The following MRC1 variants were observed in gnomAD, a reference collection of about 807,000 sequenced individuals.
The protein encoded by MRC1 is macrophage mannose receptor 1.
In MRC1, 62 loss-of-function variants were observed where a neutral mutation model predicts 102.9. That is an observed-to-expected ratio of 0.60 (90% CI 0.49 to 0.74). The LOEUF (loss-of-function observed/expected upper bound fraction) is 0.74, where lower values mean the gene tolerates loss of function less well. MRC1 is among the 30% of genes least tolerant of loss of function. The probability of loss-of-function intolerance (pLI) is 0.00; values close to 1 mark genes in which losing one functional copy is unlikely to be tolerated. For missense variants in MRC1, 1,237 were observed against 862.8 expected, an observed-to-expected ratio of 1.43 and a Z score of -5.43; for synonymous variants, 457 against 298.4, an observed-to-expected ratio of 1.53 and a Z score of -5.48.
At chr10:17,876,328 A>G (rs1299796083) in intron 17 of MRC1, among the ~76,000 whole-genome samples, 2 of 151,256 alleles carry the variant, frequency 1.3e-5, no homozygotes, top group African/African-American at 2.4e-5. Flanking sequence ...GCTCACTGCA[A>G]CCTCCACCTA....
At chr10:17,863,401 A>G in intron 10 of MRC1, 133 bp from the exon 11 acceptor site, 4 of 695,592 alleles carry the variant, frequency 5.8e-6, no homozygotes, top group Non-Finnish European at 1.1e-5. Context: ...ATACAAATAT[A>G]ACACAATATA....
intron 22 of MRC1, among the ~76,000 whole-genome samples, chr10:17,886,268 C>A (rs1833591364): frequency 6.6e-6 from 1 of 151,682 alleles, no homozygotes; most frequent in Admixed American, 6.6e-5. Context: ...AAAAAAGAAT[C>A]AACTATGGGT....
At chr10:17,887,076 A>G (rs1294210927) in intron 22 of MRC1, among the ~76,000 whole-genome samples, 1 of 152,168 alleles carries the variant, frequency 6.6e-6, no homozygotes, top group Non-Finnish European at 1.5e-5. Flanking sequence ...GGAGCCAGAC[A>G]GCAGCCCATA....
intron 22 of MRC1, 79 bp from the exon 23 acceptor site, chr10:17,894,131 T>A (rs1589194258): frequency 1.2e-6 from 1 of 845,246 alleles, no homozygotes; most frequent in Middle Eastern, 2.4e-4. Context: ...AATGAAAGAT[T>A]TTTTTGCTTA....
chr10:17,853,561 GATATAT>G (rs1168114504), intron 8 of MRC1, among the ~76,000 whole-genome samples: 1 of 144,872 alleles, frequency 6.9e-6, no homozygotes, highest in African/African-American at 2.6e-5. Context: ...TGTAAAAAGA[GATATAT>G]ATGTATGTGT....
chr10:17,835,248 C>T, intron 4 of MRC1, among the ~76,000 whole-genome samples: 1 of 152,198 alleles, frequency 6.6e-6, no homozygotes, highest in Non-Finnish European at 1.5e-5. Flanking sequence ...CTTATTACCA[C>T]TTTTATTAGT....
chr10:17,892,061 C>T (rs1833686579), intron 22 of MRC1, among the ~76,000 whole-genome samples: 1 of 152,112 alleles, frequency 6.6e-6, no homozygotes, highest in South Asian at 2.1e-4. Context: ...GGTTAGTTAA[C>T]GTGTGGTGAA....
At chr10:17,844,380 G>A (rs2130632102) in intron 5 of MRC1, among the ~76,000 whole-genome samples, 1 of 151,890 alleles carries the variant, frequency 6.6e-6, no homozygotes, top group East Asian at 1.9e-4. Context: ...CAGCTCCCCG[G>A]CCGATTTTTT....
At chr10:17,874,545 G>A (rs960336951) in intron 16 of MRC1, among the ~76,000 whole-genome samples, 1 of 152,128 alleles carries the variant, frequency 6.6e-6, no homozygotes, top group Admixed American at 6.5e-5. Flanking sequence ...CAGGGGTTAG[G>A]AACTAGATAC....
Position 17,861,826 on chromosome 10 carries a change from G to A in MRC1, c.1634+324G>A, listed in dbSNP as rs1020759443. ...AGCAGGAAAGTAACTAAAAGTTGCC[G>A]GCTCAAAATCACGTTATATCTTTAC... On this transcript the variant is annotated intron_variant, in intron 10 of 29. Coordinates refer to ENST00000569591, the MANE Select transcript of MRC1 (RefSeq NM_002438.4). 1.1e-4 allele frequency among the ~76,000 whole-genome samples: 17 copies of A among 152,124 alleles called. 2 individuals carry two copies. Among genetic ancestry groups the A allele is most frequent in the South Asian group, 2.1e-4 (1 of 4,814 alleles).
chr10:17,875,613 G>A (rs904523139), intron 17 of MRC1, among the ~76,000 whole-genome samples: 5 of 152,162 alleles, frequency 3.3e-5, no homozygotes, highest in Non-Finnish European at 7.4e-5. Flanking sequence ...TTTTATGGCT[G>A]AGTAGTATTC....
At chr10:17,847,819 G>A (rs1360940696) in intron 6 of MRC1, among the ~76,000 whole-genome samples, 3 of 45,392 alleles carry the variant, frequency 6.6e-5, no homozygotes, top group African/African-American at 2.1e-4. Flanking sequence ...AGTTTTTGAA[G>A]GACAGCATTG....
chr10:17,887,568 A>G (rs1833617273), intron 22 of MRC1, among the ~76,000 whole-genome samples: 1 of 152,184 alleles, frequency 6.6e-6, no homozygotes, highest in African/African-American at 2.4e-5. Flanking sequence ...TGAGAGGTGA[A>G]TTTCTTGTAA....
chr10:17,866,883 T>A, intron 12 of MRC1, 122 bp downstream of exon 12: 1 of 726,852 alleles, frequency 1.4e-6, no homozygotes, highest in Non-Finnish European at 2.6e-6. Context: ...CCATAGGTAT[T>A]TAGAAATTCT....
chr10:17,864,112 C>G (rs991755098), intron 11 of MRC1, among the ~76,000 whole-genome samples: 1 of 152,026 alleles, frequency 6.6e-6, no homozygotes, highest in African/African-American at 2.4e-5. Context: ...AAACAATTAT[C>G]GTGCCTCAGC....
chr10:17,891,131 T>TTTTATTTATTTA (rs879194856), intron 22 of MRC1, among the ~76,000 whole-genome samples: 155 of 135,038 alleles, frequency 1.1e-3, no homozygotes, highest in Non-Finnish European at 1.3e-3. Context: ...GTATCACTAG[T>TTTTATTTATTTA]TTTATTTATT....
At chr10:17,813,788 C>T (rs1368112433) in intron 1 of MRC1, among the ~76,000 whole-genome samples, 1 of 150,506 alleles carries the variant, frequency 6.6e-6, no homozygotes, top group Non-Finnish European at 1.5e-5. Flanking sequence ...GCCTTGACTT[C>T]CCGGGGTCAA....
Position 17,900,826 on chromosome 10 carries a change from G to T in MRC1, c.3522G>T (p.Val1174=). The change falls in exon 25 of 30, where the codon GTG becomes GTT. Residue 1174 remains valine (V), a synonymous_variant. Transcript: ENST00000569591. ...ACACTTGGACTGATAAGTGGAGGGT[G>T]AGGTACACTAACTGGGCTGCTGATG... ...NQYTWTDKWR[V]RYTNWAADEP... 1 of 780,812 alleles carries T rather than the reference G, an allele frequency of 1.3e-6. No individual in the cohort carries two copies. Among genetic ancestry groups the T allele is most frequent in the Non-Finnish European group, 2.4e-6 (1 of 417,932 alleles). The allele number at this position is 780,812 out of a possible 1,614,324, so 48.4% of individuals were successfully genotyped here.
At chr10:17,876,223 T>C (rs1241187867) in intron 17 of MRC1, among the ~76,000 whole-genome samples, 1 of 151,398 alleles carries the variant, frequency 6.6e-6, no homozygotes, top group Non-Finnish European at 1.5e-5. Flanking sequence ...AAATATTTAG[T>C]GCAGAATTGC....
Sources: gnomAD v4.1 joint callset for allele counts (sites outside exome capture counted in the v4.1 genomes callset) on GRCh38, gnomAD v4.1.1 for gene constraint, MANE v1.5 for transcripts, NCBI Gene and HGNC (gene_info 2026-07-23, HGNC 2026-07-21) for gene names.